The following MAD1L1 variants were observed in gnomAD, a reference collection of about 807,000 sequenced individuals.
MAD1L1 encodes mitotic spindle assembly checkpoint protein MAD1.
A neutral mutation model predicts 96.9 loss-of-function variants in MAD1L1; 95 were observed. The observed-to-expected ratio is 0.98, with a 90% CI of 0.83 to 1.16. MAD1L1 has a LOEUF of 1.16. MAD1L1 is among the 50% of genes most tolerant of loss of function. The pLI is 0.00. For missense variants in MAD1L1, 1,007 were observed against 954.4 expected (o/e 1.06, Z -0.73); for synonymous variants, 473 against 396.6 (o/e 1.19, Z -2.29).
At chr7:1,847,660 C>T (rs757244551) in intron 18 of MAD1L1, 1 of 470,784 alleles carries the variant, frequency 2.1e-6, no homozygotes. Context: ...CGGCCCATCT[C>T]CCAAAGCCTG....
intron 10 of MAD1L1, among the ~76,000 whole-genome samples, chr7:2,155,860 G>A (rs990462356): frequency 3.9e-5 from 6 of 152,118 alleles, no homozygotes; most frequent in African/African-American, 1.4e-4. Context: ...CGGTTTTTCC[G>A]AGAACCACCA....
chr7:2,034,311 G>C (rs916439072), intron 12 of MAD1L1, among the ~76,000 whole-genome samples: 2 of 151,638 alleles, frequency 1.3e-5, no homozygotes, highest in Non-Finnish European at 2.9e-5. Context: ...TTGTCTCCCG[G>C]GTTCAAGCGA....
chr7:1,908,556 T>G (rs563314932), intron 17 of MAD1L1, among the ~76,000 whole-genome samples: 1 of 152,222 alleles, frequency 6.6e-6, no homozygotes, highest in East Asian at 1.9e-4. Flanking sequence ...CTAATATATA[T>G]ATTTTTAGGG....
chr7:1,972,710 C>A (rs1780460288), intron 15 of MAD1L1, among the ~76,000 whole-genome samples: 1 of 151,674 alleles, frequency 6.6e-6, no homozygotes, highest in Non-Finnish European at 1.5e-5. Flanking sequence ...CATGCTTGCT[C>A]TGGGCTATTC....
At chr7:1,873,962 T>C (rs908280249) in intron 18 of MAD1L1, among the ~76,000 whole-genome samples, 2 of 151,402 alleles carry the variant, frequency 1.3e-5, no homozygotes, top group Middle Eastern at 3.2e-3. Context: ...AGAGGGCCTC[T>C]TGGAGCACCC....
chr7:1,888,783 G>A (rs560153553), intron 18 of MAD1L1, among the ~76,000 whole-genome samples: 2 of 152,304 alleles, frequency 1.3e-5, no homozygotes, highest in African/African-American at 4.8e-5. Flanking sequence ...TTTCATGTGT[G>A]TGTCAGCATG....
At chr7:1,982,831 T>C (rs1245336552) in intron 14 of MAD1L1, among the ~76,000 whole-genome samples, 1 of 152,018 alleles carries the variant, frequency 6.6e-6, no homozygotes. Flanking sequence ...GCACATGACC[T>C]TTTTTTTCAA....
intron 14 of MAD1L1, among the ~76,000 whole-genome samples, chr7:1,983,140 G>A (rs1424480612): frequency 3.6e-4 from 36 of 99,280 alleles, no homozygotes; most frequent in East Asian, 2.0e-3. Flanking sequence ...AGACGCGCGC[G>A]CGCGCGCGCG....
intron 13 of MAD1L1, among the ~76,000 whole-genome samples, chr7:2,003,958 C>T (rs1296312313): frequency 2.0e-5 from 3 of 152,190 alleles, no homozygotes; most frequent in Non-Finnish European, 4.4e-5. Context: ...GGAAGAGGGA[C>T]ATCCCCCAAA....
intron 10 of MAD1L1, among the ~76,000 whole-genome samples, chr7:2,162,037 G>A (rs187971219): frequency 1.5e-4 from 23 of 151,556 alleles, no homozygotes; most frequent in African/African-American, 3.9e-4. Context: ...CGGCCGCCCC[G>A]TCTGGGAAGT....
chr7:2,069,559 G>C (rs1785030117), intron 11 of MAD1L1, among the ~76,000 whole-genome samples: 1 of 152,258 alleles, frequency 6.6e-6, no homozygotes, highest in African/African-American at 2.4e-5. Flanking sequence ...ACACGGCAGG[G>C]AGGGGGAAGG....
In MAD1L1 at chr7:2,088,134, G is replaced by A. The variant is rs548840990; in HGVS notation, c.1074-18796C>T. 6.6e-6 allele frequency among the ~76,000 whole-genome samples: 1 copy of A among 152,322 alleles called. No homozygotes were observed. The highest frequency in any genetic ancestry group is 2.1e-4 in the South Asian group (1 of 4,830). On this transcript the variant is annotated intron_variant, in intron 11 of 18. Transcript: ENST00000265854. This position sits in a 1 kb window ranked among gnomAD's most constrained non-coding sequence, Gnocchi z 4.4. Reference sequence around the variant, plus strand: ...CACACAAAGCACCCGCACAGGCTGAGTGGAAATATGGGGGCCCACGTGCAT... The same window carrying A: ...CACACAAAGCACCCGCACAGGCTGAATGGAAATATGGGGGCCCACGTGCAT...
In MAD1L1 at chr7:2,142,658, ACT is replaced by A. The variant is rs1474240911; in HGVS notation, c.1073+6492_1073+6493del. Among the ~76,000 whole-genome samples the A allele has an allele frequency of 6.6e-6, 1 of 152,118 alleles. No individual in the cohort carries two copies. The highest frequency in any genetic ancestry group is 1.5e-5 in the Non-Finnish European group (1 of 68,002). On this transcript the variant is annotated intron_variant, in intron 11 of 18. Coordinates refer to ENST00000265854, the MANE Select transcript of MAD1L1 (RefSeq NM_001013836.2). This position sits in a 1 kb window ranked among gnomAD's most constrained non-coding sequence, Gnocchi z 4.7. ...GGAATACATGGAGACAGCCCATTAGACTCAGGCTGATTCCACACCTTCTGCCA... is the reference window on the plus strand; with the variant it reads ...GGAATACATGGAGACAGCCCATTAGACAGGCTGATTCCACACCTTCTGCCA...
chr7:1,933,523 A>C (rs1350402127), intron 17 of MAD1L1, among the ~76,000 whole-genome samples: 1 of 152,208 alleles, frequency 6.6e-6, no homozygotes, highest in Admixed American at 6.5e-5. Context: ...TCTCCAGAGC[A>C]GCGGTCCACA....
intron 10 of MAD1L1, among the ~76,000 whole-genome samples, chr7:2,196,796 C>A (rs1387522627): frequency 6.6e-6 from 1 of 152,200 alleles, no homozygotes; most frequent in Non-Finnish European, 1.5e-5. Context: ...AGGAACAGTG[C>A]GGCTCAATTC....
chr7:2,059,557 C>CGGGGAAGCATGGCCAG (rs1562647118), intron 12 of MAD1L1, among the ~76,000 whole-genome samples: 1 of 65,456 alleles, frequency 1.5e-5, no homozygotes, highest in African/African-American at 5.6e-5. Context: ...AAGGGGCTGG[C>CGGGGAAGCATGGCCAG]GGGGAAGCAT....
chr7:2,153,632 CA>C (rs1789686721), intron 10 of MAD1L1, among the ~76,000 whole-genome samples: 1 of 152,192 alleles, frequency 6.6e-6, no homozygotes, highest in African/African-American at 2.4e-5. Flanking sequence ...CTATGGAACC[CA>C]GTATGGAGAT....
At chr7:2,158,197 G>A (rs1198620835) in intron 10 of MAD1L1, among the ~76,000 whole-genome samples, 1 of 152,248 alleles carries the variant, frequency 6.6e-6, no homozygotes, top group East Asian at 1.9e-4. Context: ...ACGCAGAGCA[G>A]CAGAGGGCTG....
intron 11 of MAD1L1, among the ~76,000 whole-genome samples, chr7:2,112,000 C>T (rs1412049999): frequency 1.3e-5 from 2 of 152,178 alleles, no homozygotes; most frequent in Non-Finnish European, 2.9e-5. Context: ...AGAAACAATA[C>T]AGATGTCCTT....
Sources: gnomAD v4.1 joint callset for allele counts (sites outside exome capture counted in the v4.1 genomes callset) on GRCh38, gnomAD v4.1.1 for gene constraint, Gnocchi (gnomAD v3.1) non-coding constraint, MANE v1.5 for transcripts, NCBI Gene and HGNC (gene_info 2026-07-23, HGNC 2026-07-21) for gene names.